ANKAR: variants seen among roughly 807,000 people sequenced by gnomAD.
ANKAR encodes the protein ankyrin and armadillo repeat containing.
A neutral mutation model predicts 146.2 loss-of-function variants in ANKAR; 136 were observed. That is an observed-to-expected ratio of 0.93 (90% CI 0.81 to 1.07). ANKAR has a LOEUF of 1.07. ANKAR is among the 50% of genes least tolerant of loss of function. The pLI, the probability that ANKAR is intolerant of heterozygous loss-of-function variation, is 0.00. For synonymous variants in ANKAR, 500 were observed against 575.8 expected (o/e 0.87, Z 1.88); for missense variants, 1,567 against 1,679.9 (o/e 0.93, Z 1.18).
At chr2:189,718,022 C>T (rs984232204) in intron 10 of ANKAR, among the ~76,000 whole-genome samples, 2 of 152,128 alleles carry the variant, frequency 1.3e-5, no homozygotes, top group African/African-American at 4.8e-5. Flanking sequence ...ACCAACATAG[C>T]ACATGTATAC....
At chr2:189,702,513 T>C (rs2038222638) in intron 7 of ANKAR, among the ~76,000 whole-genome samples, 1 of 152,192 alleles carries the variant, frequency 6.6e-6, no homozygotes, top group Admixed American at 6.5e-5. Flanking sequence ...ATTCTCTGAA[T>C]CCATTTGTCT....
intron 10 of ANKAR, among the ~76,000 whole-genome samples, chr2:189,714,849 G>C (rs2040201413): frequency 6.7e-6 from 1 of 149,736 alleles, no homozygotes; most frequent in Non-Finnish European, 1.5e-5. Flanking sequence ...GGGAGGCTGA[G>C]ACAGGACAAT....
chr2:189,679,554 A>C (rs1489592036), intron 2 of ANKAR, among the ~76,000 whole-genome samples: 1 of 152,154 alleles, frequency 6.6e-6, no homozygotes, highest in Non-Finnish European at 1.5e-5. Flanking sequence ...TCTTAGGGGA[A>C]GTGCTTTCAG....
chr2:189,724,912 C>G (rs2041694409), intron 12 of ANKAR, among the ~76,000 whole-genome samples: 1 of 151,910 alleles, frequency 6.6e-6, no homozygotes, highest in Admixed American at 6.6e-5. Context: ...AATTGTATAA[C>G]TAGATTTAAA....
intron 12 of ANKAR, among the ~76,000 whole-genome samples, chr2:189,727,619 A>T (rs2042021667): frequency 6.6e-6 from 1 of 152,106 alleles, no homozygotes; most frequent in African/African-American, 2.4e-5. Flanking sequence ...ACTATATCAA[A>T]TACATCTATA....
chr2:189,736,286 T>C (rs1184775228), intron 17 of ANKAR, among the ~76,000 whole-genome samples: 1 of 152,160 alleles, frequency 6.6e-6, no homozygotes, highest in Non-Finnish European at 1.5e-5. Context: ...TGGAAATCAG[T>C]CAAGTCTTAG....
intron 2 of ANKAR, among the ~76,000 whole-genome samples, chr2:189,687,487 A>T (rs1574382722): frequency 6.6e-6 from 1 of 152,254 alleles, no homozygotes; most frequent in East Asian, 1.9e-4. Flanking sequence ...CAGCAGTGGG[A>T]TTGCTGTATC....
intron 9 of ANKAR, among the ~76,000 whole-genome samples, chr2:189,708,169 G>A (rs542482652): frequency 1.3e-4 from 20 of 152,270 alleles, no homozygotes; most frequent in Non-Finnish European, 2.2e-4. Flanking sequence ...ATTATCAGTA[G>A]GTACAAGGAA....
rs759913441 is a variant in ANKAR, at chr2:189,720,749, G to C, written c.2597G>C (p.Gly866Ala). 7 of 1,514,658 alleles carry C rather than the reference G, an allele frequency of 4.6e-6. No individual in the cohort carries two copies. In the South Asian group the frequency reaches 6.9e-5, roughly 15 times the overall value. 93.8% of individuals were successfully genotyped at this position (1,514,658 alleles called of 1,614,324 possible). ...CAAAGAGCTGTGAGAGAACATAAAGGCCTCCCATATCTTATCAGATTTCTG... is the reference window on the plus strand; with the variant it reads ...CAAAGAGCTGTGAGAGAACATAAAGCCCTCCCATATCTTATCAGATTTCTG... ...NNQRAVREHK[G>A]LPYLIRFLSS... Residue 866 changes from glycine to alanine, a missense_variant, in exon 12 of 23, where the codon GGC becomes GCC. Gly to Ala is a moderately conservative substitution (Grantham distance 60). Transcript: ENST00000684021.
intron 18 of ANKAR, among the ~76,000 whole-genome samples, chr2:189,757,535 CACA>C (rs2046259670): frequency 6.6e-6 from 1 of 152,204 alleles, no homozygotes; most frequent in African/African-American, 2.4e-5. Flanking sequence ...ACTTAATATT[CACA>C]ACATTAATTT....
rs181997431 is a variant in ANKAR, at chr2:189,690,811, G to A, written c.1039+847G>A. 8.5e-5 allele frequency among the ~76,000 whole-genome samples: 13 copies of A among 152,184 alleles called. 1 individual carries two copies. In the East Asian group the frequency reaches 1.5e-3, roughly 18 times the overall value. The stretch of plus-strand genomic sequence containing the variant: ...GGGGAGCATGTATAGAAGTAGGAGG[G>A]ACTTGCTTAAAGAGAACGTTAACTA... On this transcript the variant is annotated intron_variant, in intron 3 of 22. Coordinates refer to ENST00000684021, the MANE Select transcript of ANKAR (RefSeq NM_001378068.1).
At chr2:189,757,734 CATT>C (rs2046298756) in intron 18 of ANKAR, among the ~76,000 whole-genome samples, 1 of 152,188 alleles carries the variant, frequency 6.6e-6, no homozygotes, top group African/African-American at 2.4e-5. Flanking sequence ...TCATATGTCT[CATT>C]TATATTTGTA....
At chr2:189,762,737 T>C (rs1487067390), downstream of ANKAR, 2 of 985,404 alleles carry the variant, frequency 2.0e-6, no homozygotes, top group East Asian at 1.1e-4. Context: ...TACTAAAGAC[T>C]GTCGACTGCC....
intron 5 of ANKAR, among the ~76,000 whole-genome samples, chr2:189,694,378 G>A (rs1195050563): frequency 1.3e-5 from 2 of 152,162 alleles, no homozygotes; most frequent in African/African-American, 4.8e-5. Context: ...GTACCTCATG[G>A]GGGGAAGGGG....
At chr2:189,734,589 T>A (rs1443122060) in intron 17 of ANKAR, among the ~76,000 whole-genome samples, 1 of 152,166 alleles carries the variant, frequency 6.6e-6, no homozygotes, top group African/African-American at 2.4e-5. Context: ...CTCAGTTCTG[T>A]AAGGTTTTAG....
In ANKAR at chr2:189,737,662, G is replaced by C. The variant is rs556060423; in HGVS notation, c.3424-21G>C. 3.4e-5 allele frequency: 53 copies of C among 1,574,542 alleles called. 1 individual carries two copies. In the East Asian group the frequency reaches 1.2e-3, roughly 35 times the overall value. On this transcript the variant is annotated intron_variant, in intron 17 of 22. Transcript: ENST00000684021. ...CATGATAAATGAAGTTCACCATAAT[G>C]CCTGTTTCTCCTATTTTTAGGATAT...
chr2:189,745,839 G>A (rs1265960340), intron 22 of ANKAR, among the ~76,000 whole-genome samples: 2 of 152,162 alleles, frequency 1.3e-5, no homozygotes, highest in African/African-American at 4.8e-5. Context: ...AGGCTATATA[G>A]AAATATATAT....
intron 10 of ANKAR, among the ~76,000 whole-genome samples, chr2:189,718,976 C>G (rs1256209490): frequency 1.3e-5 from 2 of 151,846 alleles, no homozygotes; most frequent in East Asian, 3.9e-4. Context: ...GTCTCGATCT[C>G]CTGACCTCAT....
intron 7 of ANKAR, among the ~76,000 whole-genome samples, chr2:189,704,565 A>G (rs1365485289): frequency 2.0e-5 from 2 of 100,500 alleles, no homozygotes; most frequent in Non-Finnish European, 4.0e-5. Flanking sequence ...ATATATATAT[A>G]TATATATATA....
Sources: gnomAD v4.1 joint callset for allele counts (sites outside exome capture counted in the v4.1 genomes callset) on GRCh38, gnomAD v4.1.1 for gene constraint, MANE v1.5 for transcripts, NCBI Gene and HGNC (gene_info 2026-07-23, HGNC 2026-07-21) for gene names.